The following MYO10 variants were observed in gnomAD, a reference collection of about 807,000 sequenced individuals.
MYO10 encodes the protein unconventional myosin-X.
A neutral mutation model predicts 257.3 loss-of-function variants in MYO10; 133 were observed. The ratio of observed to expected loss-of-function variants is 0.52; its 90% CI spans 0.45 to 0.60. MYO10 has a LOEUF of 0.60. Ranked by LOEUF, MYO10 falls within the 20% of genes least tolerant of loss-of-function variation. The pLI is 0.00. For missense variants in MYO10, 2,399 were observed against 2,635.7 expected (o/e 0.91, Z 1.97); for synonymous variants, 1,104 against 1,028.6 (o/e 1.07, Z -1.40).
chr5:16,778,955 G>C (rs1285905981), intron 9 of MYO10, among the ~76,000 whole-genome samples: 1 of 152,136 alleles, frequency 6.6e-6, no homozygotes, highest in African/African-American at 2.4e-5. Context: ...CTCCCAAAGT[G>C]CTGGGATTAT....
rs181820376 is a variant in MYO10, at chr5:16,833,986, T to G, written c.121-15819A>C. ...TCCCAATCACTTCGAGGACAAAATATCAATTATTTAATGTGGTTTCTCTGC... is the reference window on the plus strand; with the variant it reads ...TCCCAATCACTTCGAGGACAAAATAGCAATTATTTAATGTGGTTTCTCTGC... On this transcript the variant is annotated intron_variant, in intron 2 of 40. Coordinates refer to ENST00000513610, the MANE Select transcript of MYO10 (RefSeq NM_012334.3). Among the ~76,000 whole-genome samples, 30 of 152,220 alleles carry G rather than the reference T, an allele frequency of 2.0e-4. No individual in the cohort carries two copies. The East Asian group carries it at 5.4e-3, about 27-fold the overall frequency.
intron 6 of MYO10, among the ~76,000 whole-genome samples, chr5:16,781,464 G>C (rs1239102576): frequency 2.0e-5 from 3 of 151,998 alleles, no homozygotes; most frequent in African/African-American, 4.8e-5. Context: ...TAACTCTTGA[G>C]CTCAAGCAAT....
At position 16,681,969 on chromosome 5, in the gene MYO10, C is replaced by CA; in HGVS notation, c.4090dup (p.Cys1364LeufsTer92). On this transcript the variant is annotated frameshift_variant, in exon 31 of 41. Transcript: ENST00000513610. LOFTEE classifies it high-confidence loss of function. The stretch of plus-strand genomic sequence containing the variant: ...CATCTCCTCCGGCGTGTCGGCGTTG[C>CA]AGTGCAGCACCCGGTTGGCCGTGAT... 6.2e-7 allele frequency: 1 copy of CA among 1,613,852 alleles called. No homozygotes were observed. Among genetic ancestry groups the CA allele is most frequent in the Non-Finnish European group, 8.5e-7 (1 of 1,179,892 alleles).
At chr5:16,722,318 A>G (rs1739183841) in intron 19 of MYO10, among the ~76,000 whole-genome samples, 1 of 152,208 alleles carries the variant, frequency 6.6e-6, no homozygotes. Context: ...GGAGCAGCTG[A>G]ATTCTATGAA....
Position 16,818,396 on chromosome 5 carries a change from G to A in MYO10, c.121-229C>T, listed in dbSNP as rs1349672570. ...TGTGTGTGTGCGTGTGTGTGTGTGT[G>A]TGTGTGTGTGTGTGTATATATATAT... On this transcript the variant is annotated intron_variant, in intron 2 of 40. Transcript: ENST00000513610. Among the ~76,000 whole-genome samples the A allele has an allele frequency of 6.2e-3, 693 of 111,680 alleles. 6 individuals are homozygous for A. Among genetic ancestry groups the A allele is most frequent in the African/African-American group, 0.023 (647 of 27,890 alleles). The allele number at this position is 111,680 out of a possible 152,430, so 73.3% of individuals were successfully genotyped here.
intron 19 of MYO10, among the ~76,000 whole-genome samples, chr5:16,737,816 G>A (rs1423767646): frequency 6.6e-6 from 1 of 152,156 alleles, no homozygotes; most frequent in African/African-American, 2.4e-5. Context: ...TCAGGCTAGA[G>A]CCCAACAACA....
intron 19 of MYO10, among the ~76,000 whole-genome samples, chr5:16,719,277 C>T (rs1215876338): frequency 1.3e-5 from 2 of 152,104 alleles, no homozygotes; most frequent in African/African-American, 4.8e-5. Context: ...CGCGAGGGTC[C>T]GCGGCTTCAT....
chr5:16,662,314 C>CT lies in MYO10; in HGVS notation c.*4377dup, dbSNP rs1199270809. The CT allele has an allele frequency of 3.8e-4, 15 of 39,694 alleles. 2 individuals carry two copies. The highest frequency in any genetic ancestry group is 1.9e-3 in the South Asian group (2 of 1,060). The allele number at this position is 39,694 out of a possible 1,614,324, so 2.5% of individuals were successfully genotyped here. A position where few individuals can be genotyped will look rare whatever the true frequency, so the allele number is the denominator to read the frequency against. ...AAAAGTGCTGTCTTAGATTTCTGAA[C>CT]TATTTTTTTTTTTTTTTTTTTTTTT... On this transcript the variant is annotated 3_prime_UTR_variant, in exon 41 of 41. Coordinates refer to ENST00000513610, the MANE Select transcript of MYO10 (RefSeq NM_012334.3).
intron 1 of MYO10, among the ~76,000 whole-genome samples, chr5:16,934,153 T>C (rs1010236777): frequency 1.3e-5 from 2 of 152,214 alleles, no homozygotes; most frequent in Admixed American, 6.5e-5. Context: ...AAGAGTACTT[T>C]GAAAAGTCAA....
chr5:16,702,142 G>A (rs1163968452), intron 24 of MYO10, among the ~76,000 whole-genome samples: 4 of 152,162 alleles, frequency 2.6e-5, no homozygotes, highest in African/African-American at 9.7e-5. Context: ...GGACACACTG[G>A]ACAGACGGCC....
At chr5:16,758,928 A>ATT (rs35536554) in intron 17 of MYO10, among the ~76,000 whole-genome samples, 4 of 148,474 alleles carry the variant, frequency 2.7e-5, no homozygotes, top group African/African-American at 2.5e-5. Context: ...CTTCCCAATA[A>ATT]TTTTTTTTTT....
chr5:16,744,245 T>C (rs1310592381), intron 19 of MYO10, among the ~76,000 whole-genome samples: 1 of 152,194 alleles, frequency 6.6e-6, no homozygotes, highest in Non-Finnish European at 1.5e-5. Flanking sequence ...TGTAAGTATG[T>C]GTTATTTTAC....
intron 19 of MYO10, among the ~76,000 whole-genome samples, chr5:16,727,798 T>C (rs1316782641): frequency 2.7e-5 from 4 of 148,122 alleles, no homozygotes; most frequent in Non-Finnish European, 5.9e-5. Context: ...GAGCCAGCGC[T>C]GAGGACAGAG....
chr5:16,896,131 G>A (rs1471537611), intron 1 of MYO10, among the ~76,000 whole-genome samples: 1 of 152,198 alleles, frequency 6.6e-6, no homozygotes, highest in Non-Finnish European at 1.5e-5. Context: ...GGACTCAGAA[G>A]GCACAATCAG....
rs1458941743 is a variant in MYO10 at position 16,681,995 on chromosome 5, G to A, written c.4065C>T (p.Ile1355=). 6 of 1,613,404 alleles carry A rather than the reference G, an allele frequency of 3.7e-6. No homozygotes were observed. Among genetic ancestry groups the A allele is most frequent in the Non-Finnish European group, 5.1e-6 (6 of 1,179,872 alleles). The stretch of plus-strand genomic sequence containing the variant: ...AGTGCAGCACCCGGTTGGCCGTGAT[G>A]ATCACAAACGAGTTGGGTCTGAGCC... ...DSPDRPNSFV[I]ITANRVLHCN... The change falls in exon 31 of 41, where the codon ATC becomes ATT. Residue 1355 remains isoleucine, a synonymous_variant. Transcript: ENST00000513610.
At chr5:16,792,404 A>G (rs1006881561) in intron 4 of MYO10, among the ~76,000 whole-genome samples, 7 of 152,140 alleles carry the variant, frequency 4.6e-5, no homozygotes, top group African/African-American at 1.7e-4. Context: ...AGCTCTTGGC[A>G]CAGAGTCCAA....
chr5:16,835,492 G>GGTTTT (rs1554001243), intron 2 of MYO10, among the ~76,000 whole-genome samples: 29 of 81,078 alleles, frequency 3.6e-4, no homozygotes, highest in East Asian at 8.5e-4. Context: ...ATTTTTGGCT[G>GGTTTT]TTTTTTTTTT....
chr5:16,707,434 T>C (rs1738396992), intron 21 of MYO10, among the ~76,000 whole-genome samples: 1 of 152,216 alleles, frequency 6.6e-6, no homozygotes, highest in East Asian at 1.9e-4. Context: ...CAGGCGCTGC[T>C]TGGCTGAACT....
At chr5:16,839,471 C>T (rs1048160178) in intron 2 of MYO10, among the ~76,000 whole-genome samples, 4 of 152,134 alleles carry the variant, frequency 2.6e-5, no homozygotes, top group African/African-American at 7.2e-5. Flanking sequence ...AAGCCAGGTG[C>T]AGTGGCTCAC....
Sources: gnomAD v4.1 joint callset for allele counts (sites outside exome capture counted in the v4.1 genomes callset) on GRCh38, gnomAD v4.1.1 for gene constraint, MANE v1.5 for transcripts, NCBI Gene and HGNC (gene_info 2026-07-23, HGNC 2026-07-21) for gene names.